The following HEPHL1 variants were observed in gnomAD, a reference collection of about 807,000 sequenced individuals.
The protein encoded by HEPHL1 is hephaestin like 1.
Under a neutral mutation model 122.0 loss-of-function variants are expected in HEPHL1, and 123 were observed. The observed-to-expected ratio is 1.01, with a 90% CI of 0.87 to 1.17. The LOEUF is 1.17. HEPHL1 is among the 50% of genes most tolerant of loss of function. The pLI, the probability that HEPHL1 is intolerant of heterozygous loss-of-function variation, is 0.00. For synonymous variants in HEPHL1, 527 were observed against 508.9 expected, an observed-to-expected ratio of 1.04 and a Z score of -0.48; for missense variants, 1,452 against 1,430.5, an observed-to-expected ratio of 1.01 and a Z score of -0.24.
intron 1 of HEPHL1, among the ~76,000 whole-genome samples, chr11:94,022,171 T>C (rs1439419070): frequency 6.6e-6 from 1 of 152,166 alleles, no homozygotes; most frequent in African/African-American, 2.4e-5. Context: ...GCCACGGTGT[T>C]CTATGTTCCT....
chr11:94,045,730 G>A lies in HEPHL1; in HGVS notation c.228G>A (p.Lys76=). 1 of 1,613,418 alleles carries A rather than the reference G, an allele frequency of 6.2e-7. No individual in the cohort carries two copies. Among genetic ancestry groups the A allele is most frequent in the Non-Finnish European group, 8.5e-7 (1 of 1,179,640 alleles). Residue 76 remains lysine (K), a synonymous_variant, in exon 2 of 20, where the codon AAG becomes AAA. Coordinates refer to ENST00000315765, the MANE Select transcript of HEPHL1 (RefSeq NM_001098672.2). The part of the protein sequence containing the change: ...GPNRIGSIYK[K]AVYRRFTDGT... ...ACAGGATAGGCAGTATTTACAAAAA[G>A]GCTGTTTACAGACGCTTCACGGATG...
At chr11:94,073,260 C>G (rs1267892714) in intron 7 of HEPHL1, 48 bp from the exon 8 acceptor site, 7 of 1,607,128 alleles carry the variant, frequency 4.4e-6, no homozygotes, top group Non-Finnish European at 6.0e-6. Context: ...TTACTTCTTT[C>G]TGTCTCTTTT....
chr11:94,090,953 C>A (rs573164724), intron 12 of HEPHL1, among the ~76,000 whole-genome samples: 1 of 152,090 alleles, frequency 6.6e-6, no homozygotes, highest in African/African-American at 2.4e-5. Flanking sequence ...ATGGGACCAT[C>A]GGTACAATGT....
Position 94,064,359 on chromosome 11 carries a change from G to C in HEPHL1, c.657G>C (p.Arg219=). The C allele has an allele frequency of 6.2e-7, 1 of 1,613,162 alleles. No individual in the cohort carries two copies. The highest frequency in any genetic ancestry group is 8.5e-7 in the Non-Finnish European group (1 of 1,179,326). ...TCCTGAATAGATATTCAGGGACACG[G>C]AATGATGTGGATCGAGAGTTTGTTA... ...EGILNRYSGT[R]NDVDREFVIM... is the part of the protein sequence containing the mutation. Residue 219 remains arginine, a synonymous_variant, in exon 4 of 20, where the codon CGG becomes CGC. Coordinates refer to ENST00000315765, the MANE Select transcript of HEPHL1 (RefSeq NM_001098672.2).
chr11:94,097,531 C>G (rs185488168), intron 13 of HEPHL1, among the ~76,000 whole-genome samples: 4,021 of 152,160 alleles, frequency 0.026, 190 homozygotes, highest in African/African-American at 0.092. Context: ...TGTCTATCAG[C>G]TCTGCTTGGT....
chr11:94,042,810 G>T (rs1408585119), intron 1 of HEPHL1, among the ~76,000 whole-genome samples: 1 of 135,258 alleles, frequency 7.4e-6, no homozygotes, highest in Non-Finnish European at 1.5e-5. Context: ...CACCAGCATG[G>T]CACATGTATA....
chr11:94,067,883 C>A, intron 5 of HEPHL1, 133 bp downstream of exon 5: 1 of 721,936 alleles, frequency 1.4e-6, no homozygotes, highest in Non-Finnish European at 2.2e-6. Flanking sequence ...AATAAATATA[C>A]AGGAAAATAT....
At chr11:94,063,826 T>G in intron 3 of HEPHL1, 106 bp downstream of exon 3, 1 of 898,216 alleles carries the variant, frequency 1.1e-6, no homozygotes, top group Non-Finnish European at 1.8e-6. Flanking sequence ...CTCTTCCAAA[T>G]TTCTTTAGAA....
chr11:94,095,017 A>G (rs1189541664), intron 13 of HEPHL1, among the ~76,000 whole-genome samples: 2 of 152,148 alleles, frequency 1.3e-5, no homozygotes, highest in Non-Finnish European at 2.9e-5. Context: ...CGATTTGTCA[A>G]TTTTGGCTTT....
At chr11:94,097,936 T>C (rs963380307) in intron 13 of HEPHL1, among the ~76,000 whole-genome samples, 6 of 151,706 alleles carry the variant, frequency 4.0e-5, no homozygotes, top group African/African-American at 1.5e-4. Context: ...GCCTCCTGAA[T>C]ACAGCACACT....
chr11:94,059,981 A>G (rs1945971030), intron 2 of HEPHL1, among the ~76,000 whole-genome samples: 2 of 151,554 alleles, frequency 1.3e-5, no homozygotes, highest in South Asian at 4.2e-4. Flanking sequence ...CAACTCCTGA[A>G]CCTCTGTATA....
In HEPHL1 at chr11:94,067,625, T is replaced by TAGA. The variant is rs1946044824; in HGVS notation, c.938_939insAGA (p.Phe313delinsLeuAsp). The TAGA allele has an allele frequency of 6.2e-7, 1 of 1,613,842 alleles. No individual in the cohort carries two copies. The highest frequency in any genetic ancestry group is 8.5e-7 in the Non-Finnish European group (1 of 1,179,758). On this transcript the variant is annotated protein_altering_variant, in exon 5 of 20. Transcript: ENST00000315765. ...TCTATCTATTTCTATGGTAACACCT[T>TAGA]CATCAGCAGAGGGCATCGGACTGAT...
intron 1 of HEPHL1, among the ~76,000 whole-genome samples, chr11:94,043,952 G>C (rs1389393562): frequency 6.6e-6 from 1 of 151,944 alleles, no homozygotes; most frequent in Non-Finnish European, 1.5e-5. Context: ...AACTGAGAGA[G>C]AATAAATGCA....
chr11:94,030,324 C>G (rs1226564618), intron 1 of HEPHL1, among the ~76,000 whole-genome samples: 1 of 152,166 alleles, frequency 6.6e-6, no homozygotes, highest in East Asian at 1.9e-4. Context: ...TCCTTTTGCA[C>G]AGCCTGTTCA....
intron 2 of HEPHL1, among the ~76,000 whole-genome samples, chr11:94,051,234 C>G (rs1945887579): frequency 6.6e-6 from 1 of 152,116 alleles, no homozygotes; most frequent in Admixed American, 6.5e-5. Flanking sequence ...TCAAACTGCT[C>G]TCCCTAGTGG....
intron 11 of HEPHL1, among the ~76,000 whole-genome samples, chr11:94,087,687 A>C (rs1227724140): frequency 6.6e-6 from 1 of 152,132 alleles, no homozygotes; most frequent in Non-Finnish European, 1.5e-5. Context: ...GGCTTCCTGG[A>C]AAAAACAAAT....
At chr11:94,055,565 C>T in intron 2 of HEPHL1, 1 of 295,112 alleles carries the variant, frequency 3.4e-6, no homozygotes, top group South Asian at 3.1e-5. Context: ...GATCAGTTCT[C>T]CAGTATCAAA....
At chr11:94,062,112 G>T (rs939539323) in intron 2 of HEPHL1, among the ~76,000 whole-genome samples, 1 of 152,094 alleles carries the variant, frequency 6.6e-6, no homozygotes, top group Non-Finnish European at 1.5e-5. Flanking sequence ...GTAATTAAAA[G>T]TATGTAAAGG....
chr11:94,049,766 C>T (rs912480713), intron 2 of HEPHL1, among the ~76,000 whole-genome samples: 1 of 152,106 alleles, frequency 6.6e-6, no homozygotes, highest in African/African-American at 2.4e-5. Flanking sequence ...GAAATGGAGT[C>T]ACATAAATCC....
Sources: gnomAD v4.1 joint callset for allele counts (sites outside exome capture counted in the v4.1 genomes callset) on GRCh38, gnomAD v4.1.1 for gene constraint, MANE v1.5 for transcripts, NCBI Gene and HGNC (gene_info 2026-07-23, HGNC 2026-07-21) for gene names.